Variants in ACAA2 observed in about 807,000 individuals in gnomAD.
The protein encoded by ACAA2 is acetyl-CoA acyltransferase 2, also known as 3-ketoacyl-CoA thiolase, mitochondrial.
Under a neutral mutation model 44.8 loss-of-function variants are expected in ACAA2, and 35 were observed. That is an observed-to-expected ratio of 0.78 (90% CI 0.60 to 1.04). The LOEUF is 1.04. Among genes scored for constraint, ACAA2 ranks in the 50% least tolerant of loss-of-function variants. ACAA2 has a pLI of 0.00. For missense variants in ACAA2, 468 were observed against 482.6 expected (o/e 0.97, Z 0.28); for synonymous variants, 142 against 166.5 (o/e 0.85, Z 1.13).
intron 1 of ACAA2, among the ~76,000 whole-genome samples, chr18:49,804,176 G>A (rs1435108227): frequency 6.6e-6 from 1 of 152,076 alleles, no homozygotes; most frequent in Non-Finnish European, 1.5e-5. Flanking sequence ...CTCCCAAAGT[G>A]CTAGAATTAC....
At chr18:49,797,242 TC>T (rs2023474791) in intron 3 of ACAA2, among the ~76,000 whole-genome samples, 1 of 151,392 alleles carries the variant, frequency 6.6e-6, no homozygotes. Context: ...ACAGGCTTAT[TC>T]CACTTTCAGG....
intron 2 of ACAA2, among the ~76,000 whole-genome samples, chr18:49,799,550 G>C (rs1265438230): frequency 3.9e-5 from 6 of 152,174 alleles, no homozygotes; most frequent in Non-Finnish European, 8.8e-5. Context: ...GCAGTGGCGT[G>C]ATCTCTGCTC....
chr18:49,787,357 A>G lies in ACAA2; in HGVS notation c.888T>C (p.Pro296=), dbSNP rs1211866212. Residue 296 remains proline (P), a synonymous_variant, in exon 8 of 10, where the codon CCT becomes CCC. Coordinates refer to ENST00000285093, the MANE Select transcript of ACAA2 (RefSeq NM_006111.3). Reference sequence around the variant, plus strand: ...TCAGTGCCCCACTGATAGCAGGGACAGGACCTATATAATAATAAAAATCTT... The same window carrying G: ...TCAGTGCCCCACTGATAGCAGGGACGGGACCTATATAATAATAAAAATCTT... ...GCDPSIMGIG[P]VPAISGALKK... 28 of 1,455,368 alleles carry G rather than the reference A, an allele frequency of 1.9e-5. No individual in the cohort carries two copies. Among genetic ancestry groups the G allele is most frequent in the East Asian group, 2.7e-5 (1 of 36,476 alleles). The allele number at this position is 1,455,368 out of a possible 1,614,324, so 90.2% of individuals were successfully genotyped here.
intron 3 of ACAA2, among the ~76,000 whole-genome samples, chr18:49,796,502 G>A (rs925478194): frequency 1.3e-5 from 2 of 152,010 alleles, no homozygotes; most frequent in African/African-American, 2.4e-5. Context: ...ATTAAAATAC[G>A]CCTCTGGCTC....
At chr18:49,793,087 A>G (rs2023424809) in intron 5 of ACAA2, among the ~76,000 whole-genome samples, 1 of 152,160 alleles carries the variant, frequency 6.6e-6, no homozygotes, top group African/African-American at 2.4e-5. Context: ...TCTTTTGGTG[A>G]GATAAGCAAT....
intron 9 of ACAA2, 22 bp downstream of exon 9, chr18:49,785,175 T>A: frequency 1.2e-6 from 2 of 1,602,758 alleles, no homozygotes; most frequent in Non-Finnish European, 1.7e-6. Flanking sequence ...AAATCTGAAA[T>A]GCAGCTATTT....
chr18:49,785,325 G>A lies in ACAA2; in HGVS notation c.981C>T (p.Tyr327=), dbSNP rs1268764027. Residue 327 remains tyrosine, a synonymous_variant, in exon 9 of 10, where the codon TAC becomes TAT. Transcript: ENST00000285093. ...GATCCAAACTCCTCTCAACAGCCAA[G>A]TACTGGGGAGCAAAAGCTTCATTCA... ...VEVNEAFAPQ[Y]LAVERSLDLD... 6.2e-7 allele frequency: 1 copy of A among 1,613,492 alleles called. No individual in the cohort carries two copies. Among genetic ancestry groups the A allele is most frequent in the African/African-American group, 1.3e-5 (1 of 74,886 alleles).
Position 49,802,727 on chromosome 18 carries a change from G to C in ACAA2, c.143C>G (p.Pro48Arg), listed in dbSNP as rs1255737445. ...CATAATCACACTGTCAACTGTTTCA[G>C]GTGAGACTTTGCCAGCAGACAAGGC... ...KAALSAGKVS[P>R]ETVDSVIMGN... Residue 48 changes from proline to arginine, a missense_variant, in exon 2 of 10, where the codon CCT becomes CGT. By Grantham distance (103) the Pro-to-Arg change is moderately radical. Transcript: ENST00000285093. 3 of 1,613,956 alleles carry C rather than the reference G, an allele frequency of 1.9e-6. No homozygotes were observed. The African/African-American group carries it at 4.0e-5, about 22-fold the overall frequency.
intron 1 of ACAA2, among the ~76,000 whole-genome samples, chr18:49,811,196 G>A (rs1353108481): frequency 2.0e-5 from 3 of 151,940 alleles, no homozygotes; most frequent in Non-Finnish European, 4.4e-5. Context: ...CTCCAAGAAA[G>A]GCCCTGGAAA....
At chr18:49,805,955 T>C (rs1400310013) in intron 1 of ACAA2, among the ~76,000 whole-genome samples, 1 of 152,126 alleles carries the variant, frequency 6.6e-6, no homozygotes, top group Non-Finnish European at 1.5e-5. Context: ...ATTTCATTAG[T>C]TCTGCTTCTG....
chr18:49,787,248 T>C, intron 8 of ACAA2, 43 bp downstream of exon 8: 2 of 1,352,094 alleles, frequency 1.5e-6, no homozygotes, highest in Non-Finnish European at 1.9e-6. Flanking sequence ...GTACATGGTT[T>C]ATTCATGTTG....
At chr18:49,789,853 G>A (rs183076302) in intron 7 of ACAA2, among the ~76,000 whole-genome samples, 16 of 152,148 alleles carry the variant, frequency 1.1e-4, no homozygotes, top group Non-Finnish European at 1.6e-4. Context: ...GCGTGGGGGC[G>A]GGCACCTGTA....
chr18:49,813,531 G>A lies in ACAA2; in HGVS notation c.-47C>T. The A allele has an allele frequency of 2.4e-6, 3 of 1,237,260 alleles. No homozygotes were observed. The highest frequency in any genetic ancestry group is 4.1e-5 in the South Asian group (1 of 24,320). The allele number at this position is 1,237,260 out of a possible 1,614,324, so 76.6% of individuals were successfully genotyped here. On this transcript the variant is annotated 5_prime_UTR_variant, in exon 1 of 10. Coordinates refer to ENST00000285093, the MANE Select transcript of ACAA2 (RefSeq NM_006111.3). The stretch of plus-strand genomic sequence containing the variant: ...GGCGCGGGTCTGTGGTGTGGGGGAC[G>A]CTGAGCGGCCGCTCGCAATCACCCA...
chr18:49,791,386 G>A (rs2023396742), intron 7 of ACAA2, 84 bp downstream of exon 7: 1 of 1,409,658 alleles, frequency 7.1e-7, no homozygotes, highest in African/African-American at 1.4e-5. Context: ...ACCTTGGTTT[G>A]GCCACTTTTT....
At chr18:49,811,893 G>T (rs952703644) in intron 1 of ACAA2, among the ~76,000 whole-genome samples, 39 of 152,098 alleles carry the variant, frequency 2.6e-4, no homozygotes, top group African/African-American at 8.7e-4. Context: ...CTTAATACAG[G>T]TGTCAATGTG....
chr18:49,799,878 T>C (rs2143966711), intron 2 of ACAA2, among the ~76,000 whole-genome samples: 3 of 95,842 alleles, frequency 3.1e-5, no homozygotes, highest in Non-Finnish European at 6.3e-5. Context: ...CGACCCCATC[T>C]GGGAGGTGAG....
intron 3 of ACAA2, among the ~76,000 whole-genome samples, chr18:49,796,784 G>A (rs1337495447): frequency 6.6e-6 from 1 of 152,068 alleles, no homozygotes; most frequent in African/African-American, 2.4e-5. Flanking sequence ...TTCTATGACT[G>A]AGTAACCTTA....
intron 1 of ACAA2, among the ~76,000 whole-genome samples, chr18:49,803,984 C>A (rs2023585992): frequency 6.7e-6 from 1 of 150,202 alleles, no homozygotes; most frequent in South Asian, 2.1e-4. Flanking sequence ...GATTTCGGCT[C>A]ACTGCAACCT....
Position 49,782,436 on chromosome 18 carries a change from G to A in ACAA2, c.*1411C>T, listed in dbSNP as rs1468233180. ...AGCAAAGGGTTGAGGAAACAGTGTA[G>A]GTACTTATGATACTATTATTTAACA... On this transcript the variant is annotated 3_prime_UTR_variant, in exon 10 of 10. Coordinates refer to ENST00000285093, the MANE Select transcript of ACAA2 (RefSeq NM_006111.3). 2 of 151,534 alleles carry A rather than the reference G, an allele frequency of 1.3e-5. No individual in the cohort carries two copies. Among genetic ancestry groups the A allele is most frequent in the East Asian group, 3.9e-4 (2 of 5,162 alleles). The allele number at this position is 151,534 out of a possible 1,614,324, so 9.4% of individuals were successfully genotyped here.
Sources: allele counts gnomAD v4.1 joint callset (sites outside exome capture counted in the v4.1 genomes callset), GRCh38; gene constraint gnomAD v4.1.1; transcripts MANE v1.5; gene names NCBI Gene and HGNC (gene_info 2026-07-23, HGNC 2026-07-21).